GTPBP4: variants seen among roughly 807,000 people sequenced by gnomAD.
GTPBP4 encodes the protein GTP binding protein 4.
In GTPBP4, 15 loss-of-function variants were observed where a neutral mutation model predicts 81.7. The ratio of observed to expected loss-of-function variants is 0.18; its 90% CI spans 0.12 to 0.28. The LOEUF (loss-of-function observed/expected upper bound fraction) is 0.28. GTPBP4 is among the 10% of genes least tolerant of loss of function. GTPBP4 has a pLI of 1.00. For synonymous variants in GTPBP4, 272 were observed against 274.6 expected (o/e 0.99, Z 0.09); for missense variants, 847 against 793.8 (o/e 1.07, Z -0.81).
In GTPBP4 at chr10:988,474, G is replaced by T. The variant is rs1357446076; in HGVS notation, c.-6G>T. On this transcript the variant is annotated 5_prime_UTR_variant, in exon 1 of 17. Transcript: ENST00000360803. ...GCCAAGTACCCGCGTGCATACGGCT[G>T]CCGGCATGGCACATTACAACTTCAA... 6.2e-6 allele frequency: 10 copies of T among 1,612,858 alleles called. No individual in the cohort carries two copies. Among genetic ancestry groups the T allele is most frequent in the Non-Finnish European group, 8.5e-6 (10 of 1,179,288 alleles).
intron 2 of GTPBP4, 135 bp from the exon 3 acceptor site, chr10:995,794 G>A: frequency 1.6e-6 from 1 of 613,328 alleles, no homozygotes. Context: ...AATAGACAGG[G>A]CCCCTGGCCA....
Position 1,019,726 on chromosome 10 carries a change from C to T in GTPBP4, c.*2499C>T, listed in dbSNP as rs775861577. The T allele has an allele frequency of 9.3e-6, 15 of 1,613,826 alleles. No individual in the cohort carries two copies. Among genetic ancestry groups the T allele is most frequent in the African/African-American group, 5.3e-5 (4 of 74,852 alleles). On this transcript the variant is annotated 3_prime_UTR_variant, in exon 17 of 17. Transcript: ENST00000360803. ...TCACTGGGATCCGGGTTCAGAGTGACGTTTTTCCTCACAAGCAGAAGGTAA... is the reference window on the plus strand; with the variant it reads ...TCACTGGGATCCGGGTTCAGAGTGATGTTTTTCCTCACAAGCAGAAGGTAA...
At position 999,059 on chromosome 10, in the gene GTPBP4, T is replaced by G. The variant is rs763859284; in HGVS notation, c.618T>G (p.Phe206Leu). Residue 206 changes from phenylalanine to leucine, a missense_variant, in exon 6 of 17, where the codon TTT becomes TTG. Physicochemically the swap from Phe to Leu is conservative, Grantham distance 22. Transcript: ENST00000360803. ...QPYAFTTKSL[F>L]VGHMDYKYLR... ...ATGCGTTCACAACCAAGTCTCTGTT[T>G]GTTGGGCACATGGATTATAAGTATC... 1.2e-6 allele frequency: 2 copies of G among 1,604,790 alleles called. No homozygotes were observed. Among genetic ancestry groups the G allele is most frequent in the South Asian group, 2.2e-5 (2 of 90,850 alleles).
intron 8 of GTPBP4, among the ~76,000 whole-genome samples, chr10:1,001,928 T>TTA (rs1554816274): frequency 1.8e-5 from 2 of 114,044 alleles, no homozygotes; most frequent in African/African-American, 5.8e-5. Flanking sequence ...TTATTTTATT[T>TTA]TTGTTTTTTT....
At chr10:991,503 A>G (rs1831442114) in intron 1 of GTPBP4, among the ~76,000 whole-genome samples, 1 of 152,046 alleles carries the variant, frequency 6.6e-6, no homozygotes, top group Non-Finnish European at 1.5e-5. Context: ...TAAACAGTGG[A>G]TTTTAGTTTT....
chr10:1,015,194 G>C (rs1169196701), intron 15 of GTPBP4, among the ~76,000 whole-genome samples: 2 of 152,222 alleles, frequency 1.3e-5, no homozygotes, highest in Admixed American at 1.3e-4. Context: ...AAGAATATTT[G>C]ACCAACAACT....
chr10:1,019,765 C>T lies in GTPBP4; in HGVS notation c.*2538C>T, dbSNP rs780341800. On this transcript the variant is annotated 3_prime_UTR_variant, in exon 17 of 17. Transcript: ENST00000360803. ...AGCAGAAGGTAACAAATTTCATGCT[C>T]TCCCCAAATTCTGTCTGATTTTGCC... The T allele has an allele frequency of 1.2e-6, 2 of 1,614,006 alleles. No homozygotes were observed. Among genetic ancestry groups the T allele is most frequent in the South Asian group, 2.2e-5 (2 of 91,076 alleles).
intron 14 of GTPBP4, among the ~76,000 whole-genome samples, chr10:1,013,685 A>AT (rs1831921759): frequency 6.6e-6 from 1 of 152,190 alleles, no homozygotes; most frequent in Non-Finnish European, 1.5e-5. Context: ...ACAAAAGGCA[A>AT]TTTATTGGCT....
intron 14 of GTPBP4, among the ~76,000 whole-genome samples, chr10:1,013,664 T>A (rs1357243269): frequency 6.6e-6 from 1 of 152,152 alleles, no homozygotes; most frequent in African/African-American, 2.4e-5. Flanking sequence ...TACAGAAACC[T>A]GACGCAGTCT....
At chr10:1,010,994 C>CCACCTTCCCCACCCCGAGACT (rs1199639524) in intron 13 of GTPBP4, among the ~76,000 whole-genome samples, 2 of 146,862 alleles carry the variant, frequency 1.4e-5, no homozygotes, top group Non-Finnish European at 3.0e-5. Flanking sequence ...GCCTCCTGCA[C>CCACCTTCCCCACCCCGAGACT]CACCTTCCCC....
Position 1,015,831 on chromosome 10 carries a change from T to C in GTPBP4, c.1687T>C (p.Ser563Pro), listed in dbSNP as rs147344007. ...RKREDSAPPS[S>P]VARSGSCSRT... is the part of the protein sequence containing the mutation. ...GCGGGAAGACTCTGCTCCCCCGTCC[T>C]CTGTGGCCCGGAGTGGGAGTTGCTC... Residue 563 changes from serine (S) to proline (P), a missense_variant, in exon 16 of 17, where the codon TCT (serine) becomes CCT (proline). Ser to Pro is a moderately conservative substitution (Grantham distance 74, BLOSUM62 -1). Around this residue, in one of 3 missense-constraint regions of GTPBP4, gnomAD observed 600 missense variants for 557.1 expected, o/e 1.08. Coordinates refer to ENST00000360803, the MANE Select transcript of GTPBP4 (RefSeq NM_012341.3). 5 of 1,613,910 alleles carry C rather than the reference T, an allele frequency of 3.1e-6. No individual in the cohort carries two copies. The highest frequency in any genetic ancestry group is 3.3e-5 in the Admixed American group (2 of 60,000).
chr10:1,016,923 C>G, intron 16 of GTPBP4, 152 bp from the exon 17 acceptor site: 1 of 582,014 alleles, frequency 1.7e-6, no homozygotes, highest in South Asian at 2.4e-5. Context: ...ACAGGGATAA[C>G]TGTGCTGGGC....
chr10:995,943 C>A lies in GTPBP4; in HGVS notation c.234C>A (p.Phe78Leu). ...GTTTGTTACAGGATATTCATCCGTTCTATGCTGATTTGATGAATATTCTCT... is the reference window on the plus strand; with the variant it reads ...GTTTGTTACAGGATATTCATCCGTTATATGCTGATTTGATGAATATTCTCT... ...DFPKLDDIHP[F>L]YADLMNILYD... Residue 78 changes from phenylalanine to leucine, a missense_variant, in exon 3 of 17, where the codon TTC becomes TTA. Phe to Leu is a conservative substitution (Grantham distance 22, BLOSUM62 0). Coordinates refer to ENST00000360803, the MANE Select transcript of GTPBP4 (RefSeq NM_012341.3). 1 of 1,604,670 alleles carries A rather than the reference C, an allele frequency of 6.2e-7. No individual in the cohort carries two copies. Among genetic ancestry groups the A allele is most frequent in the Non-Finnish European group, 8.5e-7 (1 of 1,171,514 alleles).
In GTPBP4 at chr10:993,377, C is replaced by T. The variant is rs139731482; in HGVS notation, c.219+718C>T. ...AAGCAATTCTTGTGCTTCAGCCTCCCGCGTAGCTGGGATTACAGGTGCATA... is the reference window on the plus strand; with the variant it reads ...AAGCAATTCTTGTGCTTCAGCCTCCTGCGTAGCTGGGATTACAGGTGCATA... On this transcript the variant is annotated intron_variant, in intron 2 of 16. Transcript: ENST00000360803. 4.6e-5 allele frequency among the ~76,000 whole-genome samples: 7 copies of T among 152,276 alleles called. No homozygotes were observed. The East Asian group carries it at 5.8e-4, about 13-fold the overall frequency.
At chr10:1,001,065 C>T (rs765373676) in intron 8 of GTPBP4, 52 bp downstream of exon 8, 1 of 1,281,322 alleles carries the variant, frequency 7.8e-7, no homozygotes, top group Non-Finnish European at 1.1e-6. Context: ...TCTGAATTCT[C>T]ATCTCAGACA....
chr10:1,012,504 G>T lies in GTPBP4; in HGVS notation c.1384G>T (p.Ala462Ser). 1.9e-6 allele frequency: 3 copies of T among 1,612,554 alleles called. No homozygotes were observed. Among genetic ancestry groups the T allele is most frequent in the Non-Finnish European group, 2.5e-6 (3 of 1,178,946 alleles). Residue 462 changes from alanine to serine, a missense_variant, in exon 14 of 17, where the codon GCT becomes TCT. By Grantham distance (99) the Ala-to-Ser change is moderately conservative (BLOSUM62 1). This residue lies in a region of GTPBP4 where 600 missense variants were observed against 557.1 expected (regional missense o/e 1.08). Transcript: ENST00000360803. Reference sequence around the variant, plus strand: ...AGAAAAAGAAGAAGAGCTGAGAACAGCTGCTGGAGAGTATGACAGTGTATC... The same window carrying T: ...AGAAAAAGAAGAAGAGCTGAGAACATCTGCTGGAGAGTATGACAGTGTATC... ...ELEKEEELRT[A>S]AGEYDSVSES...
At chr10:994,173 T>A (rs890318736) in intron 2 of GTPBP4, among the ~76,000 whole-genome samples, 3 of 152,244 alleles carry the variant, frequency 2.0e-5, no homozygotes, top group African/African-American at 7.2e-5. Flanking sequence ...AGTAGATGTT[T>A]GTTGAATGAG....
At chr10:1,006,816 G>A (rs1831746228) in intron 9 of GTPBP4, among the ~76,000 whole-genome samples, 1 of 152,284 alleles carries the variant, frequency 6.6e-6, no homozygotes, top group Admixed American at 6.5e-5. Context: ...GGTCACTGTG[G>A]TGGGAGAGAG....
chr10:1,000,541 T>C lies in GTPBP4; in HGVS notation c.655-136T>C, dbSNP rs555840642. 738 of 152,504 alleles carry C rather than the reference T, an allele frequency of 4.8e-3. 8 individuals are homozygous for C. Among genetic ancestry groups the C allele is most frequent in the African/African-American group, 0.016 (640 of 39,664 alleles). The allele number at this position is 152,504 out of a possible 1,614,324, so 9.4% of individuals were successfully genotyped here. ...TGTGAGCCACCGCACCCAGCCCTACTTTTTTTTTTTTTTAACTACAATTCT... is the reference window on the plus strand; with the variant it reads ...TGTGAGCCACCGCACCCAGCCCTACCTTTTTTTTTTTTTAACTACAATTCT... On this transcript the variant is annotated intron_variant, in intron 6 of 16. Coordinates refer to ENST00000360803, the MANE Select transcript of GTPBP4 (RefSeq NM_012341.3).
Sources: allele counts gnomAD v4.1 joint callset (sites outside exome capture counted in the v4.1 genomes callset), GRCh38; gene constraint gnomAD v4.1.1; regional missense constraint gnomAD v4.1.1; transcripts MANE v1.5; gene names NCBI Gene and HGNC (gene_info 2026-07-23, HGNC 2026-07-21).